The following ZFAT variants were observed in gnomAD, a reference collection of about 807,000 sequenced individuals.
ZFAT encodes the protein zinc finger and AT-hook domain containing.
In ZFAT, 64 loss-of-function variants were observed where a neutral mutation model predicts 117.7. The observed-to-expected ratio is 0.54, with a 90% confidence interval of 0.44 to 0.67. The LOEUF (loss-of-function observed/expected upper bound fraction) is 0.67, where lower values mean the gene tolerates loss of function less well. ZFAT is among the 30% of genes least tolerant of loss of function. The probability of loss-of-function intolerance (pLI) is 0.00; values close to 1 mark genes in which losing one functional copy is unlikely to be tolerated. For synonymous variants in ZFAT, 679 were observed against 615.0 expected (o/e 1.10, Z -1.54); for missense variants, 1,433 against 1,584.5 (o/e 0.90, Z 1.62).
chr8:134,564,764 TG>T (rs895556902), intron 11 of ZFAT, among the ~76,000 whole-genome samples: 1 of 152,346 alleles, frequency 6.6e-6, no homozygotes, highest in South Asian at 2.1e-4. Flanking sequence ...TGGACCCTAG[TG>T]ATTGTTGTCA....
the ZFAT span, among the ~76,000 whole-genome samples, chr8:134,827,766 TAAAAAAA>T: frequency 8.7e-6 from 1 of 114,752 alleles, no homozygotes; most frequent in South Asian, 2.7e-4. Context: ...AGACTCTGTC[TAAAAAAA>T]AAAAAAAAAA....
chr8:134,680,184 C>A (rs1473661251), intron 1 of ZFAT, among the ~76,000 whole-genome samples: 1 of 150,848 alleles, frequency 6.6e-6, no homozygotes, highest in African/African-American at 2.4e-5. Context: ...ATCGCTTGAA[C>A]CCTGGAGGCA....
At chr8:134,599,326 T>A (rs1028701748) in intron 7 of ZFAT, 4 of 164,794 alleles carry the variant, frequency 2.4e-5, no homozygotes, top group African/African-American at 9.6e-5. Flanking sequence ...CGCATGCATA[T>A]AAGTGTATGT....
chr8:134,676,255 CAAAAAAAAA>C lies in ZFAT; in HGVS notation c.20-18527_20-18519del, dbSNP rs146638821. 3.5e-3 allele frequency among the ~76,000 whole-genome samples: 282 copies of C among 80,604 alleles called. 1 individual carries two copies. Among genetic ancestry groups the C allele is most frequent in the African/African-American group, 0.013 (251 of 20,010 alleles). The allele number at this position is 80,604 out of a possible 152,430, so 52.9% of individuals were successfully genotyped here. On this transcript the variant is annotated intron_variant, in intron 1 of 15. Transcript: ENST00000377838. ...GAAGATCTACCAAGCAAATGGAAAG[CAAAAAAAAA>C]AAAAAAAAAAAAAATCCCAGGGGTT...
chr8:134,722,218 G>A, the ZFAT span, among the ~76,000 whole-genome samples: 8 of 152,228 alleles, frequency 5.3e-5, no homozygotes, highest in Non-Finnish European at 8.8e-5. Context: ...AGATGTGGGA[G>A]GCACACCTCA....
At chr8:134,610,329 C>T in intron 4 of ZFAT, 141 bp downstream of exon 4, 1 of 939,028 alleles carries the variant, frequency 1.1e-6, no homozygotes, top group Non-Finnish European at 1.6e-6. Flanking sequence ...AAGTCTCATC[C>T]TCTCAAATTA....
chr8:134,572,879 T>C (rs1221906121), intron 10 of ZFAT, among the ~76,000 whole-genome samples: 2 of 151,918 alleles, frequency 1.3e-5, no homozygotes, highest in African/African-American at 2.4e-5. Context: ...CATTTCCTTA[T>C]GAAATTCTTT....
chr8:134,725,913 T>A, the ZFAT span, among the ~76,000 whole-genome samples: 2 of 152,194 alleles, frequency 1.3e-5, no homozygotes, highest in Non-Finnish European at 2.9e-5. Context: ...AACTGTTCAT[T>A]AATCCGTTCA....
At position 134,565,440 on chromosome 8, in the gene ZFAT, C is replaced by A; in HGVS notation, c.2888-19G>T. 6.2e-7 allele frequency: 1 copy of A among 1,610,460 alleles called. No individual in the cohort carries two copies. The highest frequency in any genetic ancestry group is 8.5e-7 in the Non-Finnish European group (1 of 1,179,058). On this transcript the variant is annotated intron_variant, in intron 10 of 15. Transcript: ENST00000377838. ...TGCTTCCCTGGAAAGAAGCGGAGGA[C>A]AAGATGAGCGTCGCCAGGCCAACAG...
chr8:134,643,242 A>T (rs1300348958), intron 2 of ZFAT, among the ~76,000 whole-genome samples: 1 of 152,238 alleles, frequency 6.6e-6, no homozygotes, highest in Non-Finnish European at 1.5e-5. Context: ...CAGAATCAGG[A>T]ATTGAATACA....
Position 134,602,733 on chromosome 8 carries a change from T to A in ZFAT, c.986A>T (p.Asp329Val). ...GCTCAGGCAGGTGAACGAGCAATAGTCGCAGGCGAACTTCTCTCCAGTGTG... is the reference window on the plus strand; with the variant it reads ...GCTCAGGCAGGTGAACGAGCAATAGACGCAGGCGAACTTCTCTCCAGTGTG... Reference protein sequence around the residue: ...RKHTGEKFACDYCSFTCLSKG... With the variant: ...RKHTGEKFACVYCSFTCLSKG... Residue 329 changes from aspartate to valine, a missense_variant, in exon 6 of 16, where the codon GAC (aspartate) becomes GTC (valine). Asp to Val is a radical substitution (Grantham distance 152). Around this residue, in one of 5 missense-constraint regions of ZFAT, gnomAD observed 436 missense variants for 482.0 expected, o/e 0.90. Coordinates refer to ENST00000377838, the MANE Select transcript of ZFAT (RefSeq NM_020863.4). The A allele has an allele frequency of 6.2e-7, 1 of 1,613,740 alleles. No individual in the cohort carries two copies. The highest frequency in any genetic ancestry group is 8.5e-7 in the Non-Finnish European group (1 of 1,179,688).
intron 7 of ZFAT, chr8:134,600,132 C>T: frequency 1.4e-5 from 6 of 424,552 alleles, no homozygotes; most frequent in Middle Eastern, 6.8e-4. Context: ...TTTAAAATGT[C>T]ATTTGAGAAA....
chr8:134,817,018 T>G, the ZFAT span, among the ~76,000 whole-genome samples: 2 of 151,798 alleles, frequency 1.3e-5, no homozygotes, highest in African/African-American at 4.8e-5. Context: ...TACAAAAGTA[T>G]TTTAAAATAT....
chr8:134,500,208 C>T lies in ZFAT; in HGVS notation c.3492+9411G>A, dbSNP rs975413209. ...CTGGAGGGGAGATGTCAATTAAAAC[C>T]GACCTGCCTTGGCTAAGGACATGGG... is the stretch of plus-strand genomic sequence containing the variant. On this transcript the variant is annotated intron_variant, in intron 15 of 15. Transcript: ENST00000377838. 7.9e-5 allele frequency among the ~76,000 whole-genome samples: 12 copies of T among 152,172 alleles called. No homozygotes were observed. In the South Asian group the frequency reaches 1.5e-3, roughly 18 times the overall value.
chr8:134,806,330 T>C, the ZFAT span, among the ~76,000 whole-genome samples: 9 of 152,222 alleles, frequency 5.9e-5, no homozygotes, highest in African/African-American at 1.9e-4. Context: ...ACCCATTATA[T>C]AAATAATGCT....
chr8:134,497,771 A>G (rs373722648), intron 15 of ZFAT, among the ~76,000 whole-genome samples: 4 of 103,916 alleles, frequency 3.8e-5, no homozygotes, highest in African/African-American at 7.4e-5. Context: ...TTACACACAG[A>G]GCCTGATTTG....
intron 1 of ZFAT, among the ~76,000 whole-genome samples, chr8:134,658,059 C>A (rs374433692): frequency 3.3e-5 from 5 of 152,184 alleles, no homozygotes; most frequent in African/African-American, 7.2e-5. Context: ...AATATGCGGC[C>A]GGGCGCGGTG....
the ZFAT span, among the ~76,000 whole-genome samples, chr8:134,740,004 C>T: frequency 5.9e-5 from 9 of 152,214 alleles, no homozygotes; most frequent in African/African-American, 2.2e-4. Flanking sequence ...TGTCTCCACC[C>T]TATTTCTCAG....
intron 11 of ZFAT, among the ~76,000 whole-genome samples, chr8:134,535,196 G>T (rs550201917): frequency 6.8e-4 from 103 of 152,252 alleles, no homozygotes; most frequent in African/African-American, 2.5e-3. Flanking sequence ...CTTCTGTTCT[G>T]GTCCCAATTA....
Sources: gnomAD v4.1 joint callset for allele counts (sites outside exome capture counted in the v4.1 genomes callset) on GRCh38, gnomAD v4.1.1 for gene constraint, gnomAD v4.1.1 regional missense constraint, MANE v1.5 for transcripts, NCBI Gene and HGNC (gene_info 2026-07-23, HGNC 2026-07-21) for gene names.